Variants in CHODL observed in about 807,000 individuals in gnomAD.
The protein encoded by CHODL is chondrolectin, also known as transmembrane protein MT75.
A neutral mutation model predicts 34.5 loss-of-function variants in CHODL; 29 were observed. The ratio of observed to expected loss-of-function variants is 0.84; its 90% confidence interval spans 0.63 to 1.15. The LOEUF is 1.15. CHODL is among the 50% of genes most tolerant of loss of function. The pLI, the probability that CHODL is intolerant of heterozygous loss-of-function variation, is 0.00. For missense variants in CHODL, 332 were observed against 332.5 expected (o/e 1.00, Z 0.01); for synonymous variants, 125 against 116.1 (o/e 1.08, Z -0.49).
chr21:18,177,533 G>A (rs1408025790), intron 2 of CHODL, among the ~76,000 whole-genome samples: 5 of 151,968 alleles, frequency 3.3e-5, no homozygotes, highest in Non-Finnish European at 5.9e-5. Flanking sequence ...TGACACATTG[G>A]GCAATTTAGT....
At chr21:18,170,289 A>G (rs2073211561) in intron 2 of CHODL, among the ~76,000 whole-genome samples, 1 of 151,520 alleles carries the variant, frequency 6.6e-6, no homozygotes, top group Non-Finnish European at 1.5e-5. Flanking sequence ...TTCATCTTTT[A>G]TTTTCAATTA....
chr21:17,937,583 A>G (rs951006604), intron 1 of CHODL, among the ~76,000 whole-genome samples: 4 of 152,200 alleles, frequency 2.6e-5, no homozygotes, highest in African/African-American at 9.6e-5. Flanking sequence ...GTGTCTTTTC[A>G]CAGATACATT....
At chr21:18,238,932 C>T (rs2146767681) in intron 2 of CHODL, among the ~76,000 whole-genome samples, 1 of 152,236 alleles carries the variant, frequency 6.6e-6, no homozygotes, top group Middle Eastern at 3.4e-3. Context: ...ATGACTAAGA[C>T]ATTCATGATA....
At chr21:18,232,908 G>A (rs1388823335) in intron 2 of CHODL, among the ~76,000 whole-genome samples, 1 of 136,068 alleles carries the variant, frequency 7.3e-6, no homozygotes, top group East Asian at 2.1e-4. Context: ...TAATTATAAT[G>A]GTCCATATAA....
At chr21:18,171,976 C>G (rs2073238187) in intron 2 of CHODL, among the ~76,000 whole-genome samples, 1 of 152,144 alleles carries the variant, frequency 6.6e-6, no homozygotes, top group Non-Finnish European at 1.5e-5. Context: ...GTGCCTTAAT[C>G]TTCACTTTCT....
intron 1 of CHODL, among the ~76,000 whole-genome samples, chr21:18,006,437 C>T (rs572082671): frequency 1.3e-5 from 2 of 152,140 alleles, no homozygotes; most frequent in Non-Finnish European, 2.9e-5. Flanking sequence ...AAGATCTTCT[C>T]ACCTATCTAC....
chr21:18,192,053 T>A (rs2073516777), intron 2 of CHODL, among the ~76,000 whole-genome samples: 1 of 152,110 alleles, frequency 6.6e-6, no homozygotes, highest in South Asian at 2.1e-4. Flanking sequence ...AAGGCATGTG[T>A]TATGTGTAAG....
chr21:18,254,720 C>T (rs73318242), intron 1 of CHODL, among the ~76,000 whole-genome samples: 1,989 of 117,062 alleles, frequency 0.017, 51 homozygotes, highest in African/African-American at 0.063. Context: ...TATCGTCTGT[C>T]TATCTATCTA....
At chr21:17,952,194 C>CAAAAA (rs58511535) in intron 1 of CHODL, among the ~76,000 whole-genome samples, 20,160 of 79,572 alleles carry the variant, frequency 0.25, 3,051 homozygotes, top group East Asian at 0.46. Flanking sequence ...TACTATGTCT[C>CAAAAA]AAAAAAAAAA....
At chr21:17,959,583 C>T (rs2063517268) in intron 1 of CHODL, among the ~76,000 whole-genome samples, 1 of 152,130 alleles carries the variant, frequency 6.6e-6, no homozygotes, top group Non-Finnish European at 1.5e-5. Context: ...AGAGAGCGCT[C>T]ATAGGCTATA....
At chr21:18,165,245 T>A (rs2073138696) in intron 2 of CHODL, among the ~76,000 whole-genome samples, 1 of 152,226 alleles carries the variant, frequency 6.6e-6, no homozygotes, top group Non-Finnish European at 1.5e-5. Flanking sequence ...CATCCCCTCT[T>A]GACAGAAAAA....
intron 2 of CHODL, among the ~76,000 whole-genome samples, chr21:18,049,738 C>T (rs1337180110): frequency 6.6e-6 from 1 of 151,886 alleles, no homozygotes; most frequent in Non-Finnish European, 1.5e-5. Context: ...GAACATCAGT[C>T]GGATTGGATT....
intron 1 of CHODL, among the ~76,000 whole-genome samples, chr21:17,947,511 A>G (rs1457886929): frequency 6.7e-6 from 1 of 149,254 alleles, no homozygotes; most frequent in Non-Finnish European, 1.5e-5. Context: ...CAGAATCTAC[A>G]AGAAATTCAA....
chr21:18,217,072 T>A (rs373119916), intron 2 of CHODL, among the ~76,000 whole-genome samples: 3 of 152,206 alleles, frequency 2.0e-5, no homozygotes, highest in East Asian at 3.8e-4. Flanking sequence ...GTAATTTAGT[T>A]CCATATCTTG....
At chr21:17,925,899 A>T (rs987656196) in intron 1 of CHODL, among the ~76,000 whole-genome samples, 1 of 152,128 alleles carries the variant, frequency 6.6e-6, no homozygotes, top group Non-Finnish European at 1.5e-5. Flanking sequence ...AGTTTCTTTG[A>T]GATGTTTATT....
At position 18,115,595 on chromosome 21, in the gene CHODL, C is replaced by A. The variant is rs1009778281; in HGVS notation, c.-45+87624C>A. 9.2e-5 allele frequency among the ~76,000 whole-genome samples: 14 copies of A among 152,326 alleles called. 1 individual carries two copies. Among genetic ancestry groups the A allele is most frequent in the Admixed American group, 9.2e-4 (14 of 15,294 alleles). ...ATTTTCTATTGCTCCAAATTTTAAT[C>A]CCTGATTCACCTTCTCCCATAGTGC... On this transcript the variant is annotated intron_variant, in intron 2 of 6. Transcript: ENST00000400127.
In CHODL at chr21:18,223,822, T is replaced by TG. The variant is rs1275789846; in HGVS notation, c.-44-32687_-44-32686insG. ...TGTTACTCGAACCAACGTTGACTAATACAAGAAGGCAGGGAATGATCTCCT... is the reference window on the plus strand; with the variant it reads ...TGTTACTCGAACCAACGTTGACTAATGACAAGAAGGCAGGGAATGATCTCCT... On this transcript the variant is annotated intron_variant, in intron 2 of 6. Transcript: ENST00000400127. Among the ~76,000 whole-genome samples, 105 of 152,278 alleles carry TG rather than the reference T, an allele frequency of 6.9e-4. No individual in the cohort carries two copies. The Middle Eastern group carries it at 0.024, about 35-fold the overall frequency.
chr21:18,205,541 A>T (rs1482591203), intron 2 of CHODL, among the ~76,000 whole-genome samples: 1 of 151,992 alleles, frequency 6.6e-6, no homozygotes, highest in Non-Finnish European at 1.5e-5. Flanking sequence ...ATTCTTTAAG[A>T]TGCATTGTTA....
intron 2 of CHODL, among the ~76,000 whole-genome samples, chr21:18,214,967 G>A (rs1211937856): frequency 6.6e-6 from 1 of 151,966 alleles, no homozygotes; most frequent in African/African-American, 2.4e-5. Flanking sequence ...GATAAAAATG[G>A]TAAACCAAAA....
Sources: allele counts gnomAD v4.1 joint callset (sites outside exome capture counted in the v4.1 genomes callset), GRCh38; gene constraint gnomAD v4.1.1; transcripts MANE v1.5; gene names NCBI Gene and HGNC (gene_info 2026-07-23, HGNC 2026-07-21).